Variants in GRIN2A observed in about 807,000 individuals in gnomAD.
GRIN2A encodes the protein glutamate receptor ionotropic, NMDA 2A.
In GRIN2A, 22 loss-of-function variants were observed where a neutral mutation model predicts 113.4. That is an observed-to-expected ratio of 0.19 (90% CI 0.14 to 0.28). The LOEUF (loss-of-function observed/expected upper bound fraction) is 0.28. GRIN2A is among the 10% of genes least tolerant of loss of function. The pLI is 1.00. For missense variants in GRIN2A, 1,502 were observed against 1,887.0 expected, an observed-to-expected ratio of 0.80 and a Z score of 3.78; for synonymous variants, 827 against 738.4, an observed-to-expected ratio of 1.12 and a Z score of -1.94.
At chr16:10,049,298 G>A (rs1333568702) in intron 2 of GRIN2A, among the ~76,000 whole-genome samples, 1 of 152,002 alleles carries the variant, frequency 6.6e-6, no homozygotes, top group Admixed American at 6.6e-5. Flanking sequence ...CTCAGGCACT[G>A]TGCTAAGCAT....
At chr16:9,957,905 C>G (rs2045343097) in intron 2 of GRIN2A, among the ~76,000 whole-genome samples, 1 of 152,176 alleles carries the variant, frequency 6.6e-6, no homozygotes, top group Non-Finnish European at 1.5e-5. Flanking sequence ...CCCCCATGAG[C>G]AACACTTGGC....
At chr16:10,061,234 A>G (rs186673422) in intron 2 of GRIN2A, among the ~76,000 whole-genome samples, 1 of 152,180 alleles carries the variant, frequency 6.6e-6, no homozygotes, top group Non-Finnish European at 1.5e-5. Flanking sequence ...GATGCAAACC[A>G]TGTGCTTAAG....
At chr16:10,104,961 G>A (rs995552862) in intron 2 of GRIN2A, among the ~76,000 whole-genome samples, 3 of 152,176 alleles carry the variant, frequency 2.0e-5, no homozygotes, top group African/African-American at 7.2e-5. Flanking sequence ...TAAATGTTAC[G>A]AGAGTGCAGC....
chr16:9,819,964 C>T lies in GRIN2A; in HGVS notation c.2168+2300G>A, dbSNP rs1385489619. Among the ~76,000 whole-genome samples the T allele has an allele frequency of 2.8e-5, 4 of 142,894 alleles. No homozygotes were observed. The Admixed American group carries it at 2.8e-4, about 10-fold the overall frequency. The allele number at this position is 142,894 out of a possible 152,430, so 93.7% of individuals were successfully genotyped here. A position where few individuals can be genotyped will look rare whatever the true frequency, so the allele number is the denominator to read the frequency against. ...AAAAAAAAAAAGACTTGTACTCCTT[C>T]AGCTCTAGTTTCTGAGTTTAAAGTA... On this transcript the variant is annotated intron_variant, in intron 10 of 12. Transcript: ENST00000330684.
chr16:9,810,921 G>T (rs2042074412), intron 10 of GRIN2A, among the ~76,000 whole-genome samples: 1 of 152,170 alleles, frequency 6.6e-6, no homozygotes, highest in South Asian at 2.1e-4. Flanking sequence ...TCTGGGGTTG[G>T]CCCCGGGCAC....
At chr16:9,977,187 G>A (rs948754723) in intron 2 of GRIN2A, among the ~76,000 whole-genome samples, 7 of 152,040 alleles carry the variant, frequency 4.6e-5, no homozygotes, top group African/African-American at 1.7e-4. Flanking sequence ...AGCTACTTGG[G>A]AGGCTGAGGC....
At chr16:10,078,167 G>C (rs748314395) in intron 2 of GRIN2A, among the ~76,000 whole-genome samples, 13 of 152,162 alleles carry the variant, frequency 8.5e-5, no homozygotes, top group Non-Finnish European at 1.6e-4. Context: ...TAATAATAAT[G>C]ACAACAACAA....
At chr16:9,960,798 T>C (rs1180339696) in intron 2 of GRIN2A, among the ~76,000 whole-genome samples, 3 of 152,142 alleles carry the variant, frequency 2.0e-5, no homozygotes, top group Non-Finnish European at 4.4e-5. Context: ...ATAATTTTTG[T>C]ATTTTTGGCA....
chr16:10,026,166 T>G (rs2650428), intron 2 of GRIN2A, among the ~76,000 whole-genome samples: 119,979 of 152,132 alleles, frequency 0.79, 48,027 homozygotes, highest in Non-Finnish European at 0.85. Flanking sequence ...GCAACCACTT[T>G]GACACATGAC....
At chr16:10,109,113 C>G (rs1041001665) in intron 2 of GRIN2A, among the ~76,000 whole-genome samples, 1 of 150,366 alleles carries the variant, frequency 6.7e-6, no homozygotes. Context: ...TTACTACAGA[C>G]TTTAAGATAT....
rs149902963 is a variant in GRIN2A at position 9,937,976 on chromosome 16, C to T, written c.990G>A (p.Pro330=). The change falls in exon 3 of 13, where the codon CCG becomes CCA. Residue 330 remains proline, a synonymous_variant. Transcript: ENST00000330684. ...CYGQMERPEV[P]MHTLHPFMVN... Reference sequence around the variant, plus strand: ...TTTCTTACGGGTGCAAGGTGTGCATCGGGACCTCTGGCCTCTCCATCTGCC... The same window carrying T: ...TTTCTTACGGGTGCAAGGTGTGCATTGGGACCTCTGGCCTCTCCATCTGCC... 7.3e-5 allele frequency: 117 copies of T among 1,613,420 alleles called. No individual in the cohort carries two copies. Among genetic ancestry groups the T allele is most frequent in the Non-Finnish European group, 9.0e-5 (106 of 1,179,484 alleles).
chr16:10,019,255 A>C (rs1346214937), intron 2 of GRIN2A, among the ~76,000 whole-genome samples: 2 of 152,212 alleles, frequency 1.3e-5, no homozygotes, highest in South Asian at 4.1e-4. Context: ...CATTTGACAC[A>C]GTGTCTGGCA....
At chr16:9,947,355 T>C (rs1040696056) in intron 2 of GRIN2A, among the ~76,000 whole-genome samples, 4 of 152,202 alleles carry the variant, frequency 2.6e-5, no homozygotes, top group Admixed American at 2.0e-4. Flanking sequence ...CCAATAATAA[T>C]CGCTTATCAT....
At chr16:9,816,997 A>G (rs1469188574) in intron 10 of GRIN2A, among the ~76,000 whole-genome samples, 3 of 152,208 alleles carry the variant, frequency 2.0e-5, no homozygotes, top group African/African-American at 7.2e-5. Context: ...GTTGATGTTT[A>G]CACATCAAAC....
chr16:9,862,561 A>T (rs953086143), intron 4 of GRIN2A, among the ~76,000 whole-genome samples: 2 of 152,206 alleles, frequency 1.3e-5, no homozygotes, highest in African/African-American at 4.8e-5. Context: ...TGGAACAAAG[A>T]GCCATCATTT....
At chr16:10,080,493 C>T (rs2047957527) in intron 2 of GRIN2A, among the ~76,000 whole-genome samples, 1 of 152,106 alleles carries the variant, frequency 6.6e-6, no homozygotes, top group Non-Finnish European at 1.5e-5. Flanking sequence ...CTTCAGAGCC[C>T]AGAAAGTTGG....
chr16:9,829,020 C>T (rs748524434), intron 9 of GRIN2A, among the ~76,000 whole-genome samples: 2 of 152,068 alleles, frequency 1.3e-5, no homozygotes, highest in Non-Finnish European at 2.9e-5. Flanking sequence ...AGATGAGGTA[C>T]CCACAGCCTA....
intron 2 of GRIN2A, among the ~76,000 whole-genome samples, chr16:10,050,509 A>G (rs2047340280): frequency 2.6e-5 from 4 of 151,942 alleles, no homozygotes; most frequent in Admixed American, 2.0e-4. Context: ...AGGGATCTAG[A>G]TGGCATGCTC....
chr16:9,790,850 T>G (rs1461007642), intron 11 of GRIN2A, among the ~76,000 whole-genome samples: 2 of 152,184 alleles, frequency 1.3e-5, no homozygotes, highest in Non-Finnish European at 2.9e-5. Context: ...ATTTTGTTTA[T>G]GCCAAGCTCC....
Sources: allele counts gnomAD v4.1 joint callset (sites outside exome capture counted in the v4.1 genomes callset), GRCh38; gene constraint gnomAD v4.1.1; transcripts MANE v1.5; gene names NCBI Gene and HGNC (gene_info 2026-07-23, HGNC 2026-07-21).